The following KCNIP1 variants were observed in gnomAD, a reference collection of about 807,000 sequenced individuals.
KCNIP1 encodes the protein potassium voltage-gated channel interacting protein 1.
Under a neutral mutation model 33.0 loss-of-function variants are expected in KCNIP1, and 18 were observed. The observed-to-expected ratio is 0.55, with a 90% CI of 0.38 to 0.81. The LOEUF is 0.81. Among genes scored for constraint, KCNIP1 ranks in the 30% least tolerant of loss-of-function variants. KCNIP1 has a pLI of 0.00. For synonymous variants in KCNIP1, 93 were observed against 98.3 expected, an observed-to-expected ratio of 0.95 and a Z score of 0.32; for missense variants, 238 against 271.6, an observed-to-expected ratio of 0.88 and a Z score of 0.87.
At chr5:170,598,119 A>G (rs1033975876) in intron 1 of KCNIP1, among the ~76,000 whole-genome samples, 36 of 151,604 alleles carry the variant, frequency 2.4e-4, no homozygotes, top group African/African-American at 8.7e-4. Context: ...CCCTTCAATC[A>G]CTCCTAATCA....
chr5:170,369,898 A>T (rs866989512), intron 1 of KCNIP1, among the ~76,000 whole-genome samples: 1 of 152,200 alleles, frequency 6.6e-6, no homozygotes, highest in Non-Finnish European at 1.5e-5. Context: ...TTCTCCCATG[A>T]AGTGGACTCT....
chr5:170,448,319 C>G (rs1756166463), intron 1 of KCNIP1, among the ~76,000 whole-genome samples: 1 of 152,248 alleles, frequency 6.6e-6, no homozygotes. Context: ...AGAGTTGCCT[C>G]ATTTCACTTC....
chr5:170,712,887 G>A (rs1763505530), intron 1 of KCNIP1: 1 of 1,613,180 alleles, frequency 6.2e-7, no homozygotes, highest in Non-Finnish European at 8.5e-7. Context: ...TATCAGAGAG[G>A]TAAAAAACAG....
Position 170,721,909 on chromosome 5 carries a change from C to T in KCNIP1, c.327+6C>T, listed in dbSNP as rs1204204892. The T allele has an allele frequency of 1.2e-6, 2 of 1,614,096 alleles. No individual in the cohort carries two copies. Among genetic ancestry groups the T allele is most frequent in the Admixed American group, 1.7e-5 (1 of 60,024 alleles). On this transcript the variant is annotated splice_donor_region_variant and intron_variant, in intron 4 of 7. Transcript: ENST00000328939. ...CAGGCTCCGTGAAGTTCGAGGTACG[C>T]TCATCTGGGGTCCACTCTAGGGGTC... is the stretch of plus-strand genomic sequence containing the variant.
intron 1 of KCNIP1, among the ~76,000 whole-genome samples, chr5:170,543,503 T>C (rs1273791108): frequency 6.6e-6 from 1 of 152,200 alleles, no homozygotes; most frequent in East Asian, 1.9e-4. Flanking sequence ...AATTACCAAG[T>C]GTTGACTTTG....
At chr5:170,389,168 C>A (rs1165943071) in intron 1 of KCNIP1, 2 of 152,286 alleles carry the variant, frequency 1.3e-5, no homozygotes, top group African/African-American at 4.8e-5. Flanking sequence ...TGCCTCCCTC[C>A]CTGCCCCGTG....
intron 3 of KCNIP1, among the ~76,000 whole-genome samples, chr5:170,720,946 C>T (rs958124156): frequency 1.3e-5 from 2 of 151,892 alleles, no homozygotes; most frequent in African/African-American, 4.9e-5. Context: ...TACAAGTGTG[C>T]CAGGCCCACA....
chr5:170,610,185 T>C (rs1759090299), intron 1 of KCNIP1, among the ~76,000 whole-genome samples: 1 of 152,162 alleles, frequency 6.6e-6, no homozygotes, highest in South Asian at 2.1e-4. Flanking sequence ...AGGCATCTGG[T>C]TTAACGAGCC....
chr5:170,733,551 G>T (rs749542182), intron 6 of KCNIP1, among the ~76,000 whole-genome samples: 3 of 152,156 alleles, frequency 2.0e-5, no homozygotes, highest in Non-Finnish European at 2.9e-5. Context: ...AGGGTAGCAG[G>T]GAGTCTACAG....
chr5:170,542,192 T>C (rs1756234770), intron 1 of KCNIP1, among the ~76,000 whole-genome samples: 1 of 152,212 alleles, frequency 6.6e-6, no homozygotes, highest in African/African-American at 2.4e-5. Flanking sequence ...ACTAAGCACC[T>C]ACTATGTGGC....
chr5:170,392,081 C>G (rs931602029), intron 1 of KCNIP1, among the ~76,000 whole-genome samples: 1 of 152,172 alleles, frequency 6.6e-6, no homozygotes, highest in East Asian at 1.9e-4. Context: ...GAGTTCCCCC[C>G]ACACGCTCTC....
chr5:170,532,052 A>G (rs1755808232), intron 1 of KCNIP1, among the ~76,000 whole-genome samples: 1 of 152,108 alleles, frequency 6.6e-6, no homozygotes, highest in African/African-American at 2.4e-5. Flanking sequence ...CTCCTCCATG[A>G]CCTCTGAGAT....
intron 1 of KCNIP1, among the ~76,000 whole-genome samples, chr5:170,589,429 T>C (rs1049292901): frequency 6.6e-6 from 1 of 152,208 alleles, no homozygotes; most frequent in African/African-American, 2.4e-5. Context: ...TATATACTTA[T>C]GGAACACCTA....
intron 1 of KCNIP1, among the ~76,000 whole-genome samples, chr5:170,425,248 A>G (rs1417050068): frequency 2.0e-5 from 3 of 152,210 alleles, no homozygotes; most frequent in African/African-American, 7.2e-5. Flanking sequence ...TGCTGACTGT[A>G]ATGTAGTAAG....
chr5:170,505,005 G>C (rs1254110025), intron 1 of KCNIP1, among the ~76,000 whole-genome samples: 2 of 152,202 alleles, frequency 1.3e-5, no homozygotes, highest in Non-Finnish European at 2.9e-5. Flanking sequence ...TGAGCACTCA[G>C]TGAGGGTGCT....
intron 1 of KCNIP1, among the ~76,000 whole-genome samples, chr5:170,669,821 C>A (rs1254087631): frequency 6.6e-6 from 1 of 152,176 alleles, no homozygotes; most frequent in Non-Finnish European, 1.5e-5. Flanking sequence ...TTTCGCTTTT[C>A]CCCCTCCCAT....
intron 1 of KCNIP1, chr5:170,389,135 G>C (rs1422032807): frequency 6.6e-6 from 1 of 152,194 alleles, no homozygotes; most frequent in East Asian, 1.9e-4. Flanking sequence ...GGACAGCCCC[G>C]AGAGGAAGGG....
intron 1 of KCNIP1, chr5:170,712,998 T>C (rs1213176771): frequency 2.3e-6 from 2 of 877,928 alleles, no homozygotes; most frequent in African/African-American, 1.7e-5. Context: ...GCTTTCTGTG[T>C]CCTTTGTTAA....
At chr5:170,424,040 T>A (rs1240464434) in intron 1 of KCNIP1, among the ~76,000 whole-genome samples, 1 of 152,248 alleles carries the variant, frequency 6.6e-6, no homozygotes, top group Non-Finnish European at 1.5e-5. Flanking sequence ...ATGTAACAGC[T>A]GCTTATGTAA....
Sources: allele counts gnomAD v4.1 joint callset (sites outside exome capture counted in the v4.1 genomes callset), GRCh38; gene constraint gnomAD v4.1.1; transcripts MANE v1.5; gene names NCBI Gene and HGNC (gene_info 2026-07-23, HGNC 2026-07-21).